Variants in CSMD1 observed in about 807,000 individuals in gnomAD.
CSMD1 encodes CUB and sushi domain-containing protein 1.
CSMD1 carries 213 observed loss-of-function variants against 417.5 expected under a neutral mutation model. That is an observed-to-expected ratio of 0.51 (90% CI 0.46 to 0.57). The LOEUF is 0.57. Ranked by LOEUF, CSMD1 falls within the 20% of genes least tolerant of loss-of-function variation. The pLI is 0.00. For synonymous variants in CSMD1, 2,862 were observed against 1,736.8 expected (o/e 1.65, Z -16.11); for missense variants, 6,923 against 4,529.7 (o/e 1.53, Z -15.17).
At chr8:3,183,829 A>G (rs995238086) in intron 36 of CSMD1, among the ~76,000 whole-genome samples, 2 of 152,228 alleles carry the variant, frequency 1.3e-5, no homozygotes, top group African/African-American at 4.8e-5. Flanking sequence ...ATTTTCCCAA[A>G]TTATTTCACT....
chr8:3,113,342 A>T (rs1028878649), intron 42 of CSMD1: 1 of 152,278 alleles, frequency 6.6e-6, no homozygotes, highest in Non-Finnish European at 1.5e-5. Context: ...AGAGACGCGC[A>T]GGCATTTCCG....
chr8:3,043,572 T>C (rs1811249518), intron 50 of CSMD1: 2 of 152,232 alleles, frequency 1.3e-5, no homozygotes, highest in South Asian at 4.1e-4. Flanking sequence ...TCCACATAAA[T>C]AAATTGTTAA....
intron 3 of CSMD1, among the ~76,000 whole-genome samples, chr8:4,245,415 A>T (rs537844501): frequency 7.2e-5 from 11 of 152,278 alleles, no homozygotes; most frequent in Non-Finnish European, 1.3e-4. Flanking sequence ...GATGATGCAA[A>T]GGGAGGAGGA....
chr8:3,861,355 A>T (rs552727816), intron 5 of CSMD1, among the ~76,000 whole-genome samples: 3 of 152,232 alleles, frequency 2.0e-5, no homozygotes, highest in Non-Finnish European at 4.4e-5. Context: ...ACTCTGATAA[A>T]AGTAAAATAT....
intron 67 of CSMD1, 34 bp downstream of exon 67, chr8:2,950,197 T>C: frequency 2.2e-6 from 3 of 1,337,460 alleles, no homozygotes; most frequent in Non-Finnish European, 3.2e-6. Flanking sequence ...TTAGAAAGCC[T>C]GTGCTTTGTC....
chr8:4,335,526 A>G (rs1436008714), intron 3 of CSMD1, among the ~76,000 whole-genome samples: 1 of 152,110 alleles, frequency 6.6e-6, no homozygotes, highest in Non-Finnish European at 1.5e-5. Flanking sequence ...GCCATGTAAG[A>G]ACATCAGCAC....
At chr8:3,128,907 C>A in intron 41 of CSMD1, 2 of 451,724 alleles carry the variant, frequency 4.4e-6, no homozygotes, top group Non-Finnish European at 8.9e-6. Context: ...CCTCCTATTG[C>A]AAGAGACAAA....
chr8:3,498,483 T>A (rs1028818293), intron 10 of CSMD1, among the ~76,000 whole-genome samples: 1 of 152,180 alleles, frequency 6.6e-6, no homozygotes, highest in African/African-American at 2.4e-5. Context: ...TTGGAGAGCA[T>A]CTTTGGCATT....
At chr8:3,279,756 G>C (rs187865845) in intron 26 of CSMD1, among the ~76,000 whole-genome samples, 3 of 152,214 alleles carry the variant, frequency 2.0e-5, no homozygotes, top group East Asian at 1.9e-4. Flanking sequence ...CTTCTTTAGA[G>C]GGTGTTAGAA....
intron 2 of CSMD1, among the ~76,000 whole-genome samples, chr8:4,467,072 T>C (rs764411041): frequency 6.6e-6 from 1 of 150,654 alleles, no homozygotes; most frequent in Non-Finnish European, 1.5e-5. Context: ...AGTGATTAGC[T>C]TTGATTTCTT....
chr8:3,714,108 A>G (rs942800223), intron 6 of CSMD1, among the ~76,000 whole-genome samples: 1 of 150,566 alleles, frequency 6.6e-6, no homozygotes, highest in Non-Finnish European at 1.5e-5. Flanking sequence ...ATATAAATGT[A>G]TAAAATATAA....
intron 3 of CSMD1, among the ~76,000 whole-genome samples, chr8:4,389,808 T>C (rs536849268): frequency 3.9e-5 from 6 of 152,280 alleles, no homozygotes; most frequent in Admixed American, 1.3e-4. Context: ...TTACAACTAC[T>C]TTATTTAAAG....
intron 8 of CSMD1, among the ~76,000 whole-genome samples, chr8:3,595,014 C>T (rs778407845): frequency 6.6e-6 from 1 of 152,218 alleles, no homozygotes; most frequent in Non-Finnish European, 1.5e-5. Flanking sequence ...CCTCTGTGTG[C>T]AGTCTCTCAG....
chr8:3,893,806 C>T (rs868857313), intron 5 of CSMD1, among the ~76,000 whole-genome samples: 2 of 152,106 alleles, frequency 1.3e-5, no homozygotes, highest in Admixed American at 1.3e-4. Flanking sequence ...AGAGAGCATG[C>T]ACACTTTGAT....
Position 4,932,700 on chromosome 8 carries a change from C to T in CSMD1, c.85+61632G>A, listed in dbSNP as rs62488182. On this transcript the variant is annotated intron_variant, in intron 1 of 69. Transcript: ENST00000635120. Reference sequence around the variant, plus strand: ...AATGACACAGTAAATGCCAGCAACACACCATGTGCTGGCACAGAAGTGATC... The same window carrying T: ...AATGACACAGTAAATGCCAGCAACATACCATGTGCTGGCACAGAAGTGATC... Among the ~76,000 whole-genome samples, 475 of 152,290 alleles carry T rather than the reference C, an allele frequency of 3.1e-3. 2 individuals carry two copies. The highest frequency in any genetic ancestry group is 5.6e-3 in the Non-Finnish European group (378 of 68,026).
chr8:3,786,057 A>AG (rs1313357332), intron 5 of CSMD1, among the ~76,000 whole-genome samples: 1 of 151,982 alleles, frequency 6.6e-6, no homozygotes, highest in South Asian at 2.1e-4. Flanking sequence ...GATGTTTGGG[A>AG]GGTGAGAATG....
At chr8:3,299,428 G>C (rs1003491697) in intron 25 of CSMD1, among the ~76,000 whole-genome samples, 23 of 152,136 alleles carry the variant, frequency 1.5e-4, no homozygotes, top group African/African-American at 5.6e-4. Flanking sequence ...CTCCAGCCTG[G>C]GGGACAAGAG....
At chr8:3,803,897 G>C (rs189921929) in intron 5 of CSMD1, among the ~76,000 whole-genome samples, 1 of 152,114 alleles carries the variant, frequency 6.6e-6, no homozygotes, top group African/African-American at 2.4e-5. Flanking sequence ...GACAATAGCA[G>C]ACAAGGAGAG....
chr8:4,852,197 T>A (rs1255557877), intron 1 of CSMD1, among the ~76,000 whole-genome samples: 1 of 152,208 alleles, frequency 6.6e-6, no homozygotes, highest in East Asian at 1.9e-4. Flanking sequence ...GTAAACATAC[T>A]TATATGGTTT....
Sources: gnomAD v4.1 joint callset for allele counts (sites outside exome capture counted in the v4.1 genomes callset) on GRCh38, gnomAD v4.1.1 for gene constraint, MANE v1.5 for transcripts, NCBI Gene and HGNC (gene_info 2026-07-23, HGNC 2026-07-21) for gene names.